BRWD1: variants seen among roughly 807,000 people sequenced by gnomAD.
BRWD1 encodes the protein bromodomain and WD repeat-containing protein 1.
BRWD1 carries 82 observed loss-of-function variants against 251.2 expected under a neutral mutation model. The observed-to-expected ratio is 0.33, with a 90% confidence interval of 0.27 to 0.39. The LOEUF (loss-of-function observed/expected upper bound fraction) is 0.39, where lower values mean the gene tolerates loss of function less well. BRWD1 is among the 10% of genes least tolerant of loss of function. The pLI is 1.00. For missense variants in BRWD1, 2,233 were observed against 2,711.6 expected (o/e 0.82, Z 3.92); for synonymous variants, 918 against 902.8 (o/e 1.02, Z -0.30).
At chr21:39,301,422 A>G (rs1043302885) in intron 4 of BRWD1, among the ~76,000 whole-genome samples, 4 of 152,174 alleles carry the variant, frequency 2.6e-5, no homozygotes, top group African/African-American at 7.2e-5. Flanking sequence ...ATCACACTGG[A>G]AAGACCAAAA....
intron 6 of BRWD1, 23 bp downstream of exon 6, chr21:39,296,242 T>A: frequency 6.5e-7 from 1 of 1,545,100 alleles, no homozygotes; most frequent in Non-Finnish European, 8.7e-7. Flanking sequence ...ATTTCAGGCA[T>A]CTCAAAGGCC....
At chr21:39,300,211 G>A (rs185396942) in intron 4 of BRWD1, among the ~76,000 whole-genome samples, 79 of 152,086 alleles carry the variant, frequency 5.2e-4, no homozygotes, top group Non-Finnish European at 9.0e-4. Flanking sequence ...AACTGCATAG[G>A]GCCCAAACAC....
chr21:39,302,141 A>G (rs2036139325), intron 4 of BRWD1, among the ~76,000 whole-genome samples: 1 of 151,588 alleles, frequency 6.6e-6, no homozygotes, highest in Non-Finnish European at 1.5e-5. Flanking sequence ...ACGCCACCAC[A>G]CCCAGCTAAT....
intron 21 of BRWD1, among the ~76,000 whole-genome samples, chr21:39,243,947 T>C (rs1426226079): frequency 1.3e-5 from 2 of 152,124 alleles, no homozygotes; most frequent in Admixed American, 1.3e-4. Context: ...TACATCAAAA[T>C]AAAAAATTTA....
intron 4 of BRWD1, among the ~76,000 whole-genome samples, chr21:39,311,754 A>G (rs114874597): frequency 0.015 from 2,315 of 152,358 alleles, 56 homozygotes; most frequent in African/African-American, 0.053. Context: ...AATCTAAGAA[A>G]GCAAATATTA....
At chr21:39,233,802 T>C (rs1459400557) in intron 23 of BRWD1, among the ~76,000 whole-genome samples, 1 of 152,160 alleles carries the variant, frequency 6.6e-6, no homozygotes, top group African/African-American at 2.4e-5. Context: ...GGTGGATCAC[T>C]TGAGGTCAGA....
Position 39,196,186 on chromosome 21 carries a change from A to C in BRWD1, c.*73T>G, listed in dbSNP as rs957180672. ...ATTCCCTGAATTGTAAGACAAAAAA[A>C]TAATTTTAACAGCCAGCTTTCACCA... On this transcript the variant is annotated 3_prime_UTR_variant, in exon 41 of 41. Coordinates refer to ENST00000342449, the MANE Select transcript of BRWD1 (RefSeq NM_033656.4). 10 of 1,486,950 alleles carry C rather than the reference A, an allele frequency of 6.7e-6. No homozygotes were observed. The highest frequency in any genetic ancestry group is 8.9e-6 in the Non-Finnish European group (10 of 1,123,378). 92.1% of individuals were successfully genotyped at this position (1,486,950 alleles called of 1,614,324 possible).
At chr21:39,250,444 G>A (rs147699289) in intron 20 of BRWD1, among the ~76,000 whole-genome samples, 3 of 151,818 alleles carry the variant, frequency 2.0e-5, no homozygotes, top group African/African-American at 7.2e-5. Context: ...TTTTAAAATA[G>A]CTATGGCTGC....
In BRWD1 at chr21:39,224,476, A is replaced by T. The variant is rs772634101; in HGVS notation, c.3321-7T>A. The stretch of plus-strand genomic sequence containing the variant: ...AATTTCAGTATTATCCCACCTGTTA[A>T]AAAACAACAAATCTCTGGTTAGCCT... On this transcript the variant is annotated splice_polypyrimidine_tract_variant and splice_region_variant and intron_variant, in intron 28 of 40. Transcript: ENST00000342449. The T allele has an allele frequency of 6.3e-7, 1 of 1,587,198 alleles. No individual in the cohort carries two copies. Among genetic ancestry groups the T allele is most frequent in the South Asian group, 1.2e-5 (1 of 86,174 alleles).
At position 39,238,523 on chromosome 21, in the gene BRWD1, T is replaced by C; in HGVS notation, c.2532A>G (p.Glu844=). The part of the protein sequence containing the change: ...SEGSGSSEED[E]WRSDRKSESY... ...TCTCACTTTTTCTGTCACTTCTCCA[T>C]TCATCCTCTTCTGAAGAACCAGAAC... Residue 844 remains glutamate (E), a synonymous_variant, in exon 22 of 41, where the codon GAA becomes GAG. Coordinates refer to ENST00000342449, the MANE Select transcript of BRWD1 (RefSeq NM_033656.4). The C allele has an allele frequency of 1.9e-6, 3 of 1,613,746 alleles. No homozygotes were observed. Among genetic ancestry groups the C allele is most frequent in the Non-Finnish European group, 2.5e-6 (3 of 1,179,778 alleles).
At chr21:39,216,773 CT>C in intron 31 of BRWD1, 1 of 326,090 alleles carries the variant, frequency 3.1e-6, no homozygotes, top group Non-Finnish European at 5.9e-6. Flanking sequence ...CAGACCATTG[CT>C]TACAGAAATA....
Position 39,203,552 on chromosome 21 carries a change from G to A in BRWD1, c.4365-1007C>T, listed in dbSNP as rs574965439. Reference sequence around the variant, plus strand: ...CTCCTGAGTAGCTGGGACTACAGGCGCCCACCACCACGCCCGGCTAATTTT... The same window carrying A: ...CTCCTGAGTAGCTGGGACTACAGGCACCCACCACCACGCCCGGCTAATTTT... On this transcript the variant is annotated intron_variant, in intron 37 of 40. Transcript: ENST00000342449. Among the ~76,000 whole-genome samples, 11 of 145,192 alleles carry A rather than the reference G, an allele frequency of 7.6e-5. No homozygotes were observed. The South Asian group carries it at 1.6e-3, about 21-fold the overall frequency.
In BRWD1 at chr21:39,264,453, C is replaced by T. The variant is rs1462307356; in HGVS notation, c.1885+7G>A. 2 of 1,475,400 alleles carry T rather than the reference C, an allele frequency of 1.4e-6. No homozygotes were observed. The highest frequency in any genetic ancestry group is 1.8e-6 in the Non-Finnish European group (2 of 1,093,954). 91.4% of individuals were successfully genotyped at this position (1,475,400 alleles called of 1,614,324 possible). A position where few individuals can be genotyped will look rare whatever the true frequency, so the allele number is the denominator to read the frequency against. On this transcript the variant is annotated splice_region_variant and intron_variant, in intron 17 of 40. Transcript: ENST00000342449. Reference sequence around the variant, plus strand: ...TAAAAAAAAAAAAAAAAAAAGACTGCACTTACTTGTTGCCACATAGCCCAG... The same window carrying T: ...TAAAAAAAAAAAAAAAAAAAGACTGTACTTACTTGTTGCCACATAGCCCAG...
chr21:39,289,554 T>G (rs2035743233), intron 8 of BRWD1, among the ~76,000 whole-genome samples: 1 of 152,224 alleles, frequency 6.6e-6, no homozygotes, highest in African/African-American at 2.4e-5. Flanking sequence ...TATTTAGAAT[T>G]CCCTTTAATG....
chr21:39,254,956 G>A (rs1396175630), intron 19 of BRWD1, among the ~76,000 whole-genome samples: 3 of 151,922 alleles, frequency 2.0e-5, no homozygotes, highest in East Asian at 1.9e-4. Flanking sequence ...ACCAAGGTAC[G>A]GTTTTTTTAA....
At chr21:39,253,565 A>T (rs2034468657) in intron 19 of BRWD1, among the ~76,000 whole-genome samples, 1 of 152,148 alleles carries the variant, frequency 6.6e-6, no homozygotes, top group Admixed American at 6.5e-5. Context: ...CGCCAATTTA[A>T]AACTTAATTA....
chr21:39,296,426 G>C, intron 5 of BRWD1, 63 bp from the exon 6 acceptor site: 3 of 1,466,518 alleles, frequency 2.0e-6, no homozygotes, highest in Non-Finnish European at 2.7e-6. Flanking sequence ...AGATTTTATA[G>C]AATACTTACG....
chr21:39,195,041 A>G lies in BRWD1; in HGVS notation c.*1218T>C. Reference sequence around the variant, plus strand: ...AACCTATCAAGTATTTGGTTAGAAAATAAGTGTACTATTTGTGTGATAAAC... The same window carrying G: ...AACCTATCAAGTATTTGGTTAGAAAGTAAGTGTACTATTTGTGTGATAAAC... On this transcript the variant is annotated 3_prime_UTR_variant, in exon 41 of 41. Transcript: ENST00000342449. 6 of 1,342,870 alleles carry G rather than the reference A, an allele frequency of 4.5e-6. No homozygotes were observed. Among genetic ancestry groups the G allele is most frequent in the Non-Finnish European group, 5.7e-6 (6 of 1,048,108 alleles). The allele number at this position is 1,342,870 out of a possible 1,614,324, so 83.2% of individuals were successfully genotyped here.
intron 29 of BRWD1, among the ~76,000 whole-genome samples, chr21:39,223,216 A>AAGG (rs2033248969): frequency 6.6e-6 from 1 of 152,214 alleles, no homozygotes; most frequent in Admixed American, 6.5e-5. Flanking sequence ...TGCTAGCTGT[A>AAGG]TAAGAAGGGA....
Sources: allele counts gnomAD v4.1 joint callset (sites outside exome capture counted in the v4.1 genomes callset), GRCh38; gene constraint gnomAD v4.1.1; transcripts MANE v1.5; gene names NCBI Gene and HGNC (gene_info 2026-07-23, HGNC 2026-07-21).